Variants in ZDHHC23 observed in about 807,000 individuals in gnomAD.
The protein encoded by ZDHHC23 is zDHHC palmitoyltransferase 23.
In ZDHHC23, 41 loss-of-function variants were observed where a neutral mutation model predicts 40.2. The ratio of observed to expected loss-of-function variants is 1.02; its 90% CI spans 0.79 to 1.32. The LOEUF is 1.32. Among genes scored for constraint, ZDHHC23 ranks in the 40% most tolerant of loss-of-function variants. The pLI is 0.00. For synonymous variants in ZDHHC23, 204 were observed against 210.2 expected (o/e 0.97, Z 0.26); for missense variants, 471 against 541.5 (o/e 0.87, Z 1.29).
In ZDHHC23 at chr3:113,957,510, A is replaced by C. The variant is rs1435600422; in HGVS notation, c.1041-853A>C. The C allele has an allele frequency of 8.2e-6, 3 of 364,858 alleles. No homozygotes were observed. The Admixed American group carries it at 1.1e-4, about 13-fold the overall frequency. The allele number at this position is 364,858 out of a possible 1,614,324, so 22.6% of individuals were successfully genotyped here. On this transcript the variant is annotated intron_variant, in intron 4 of 4. Transcript: ENST00000638807. The stretch of plus-strand genomic sequence containing the variant: ...GGTGAGGCCCGTCCTGAAGCACAGC[A>C]TGTCTGTGCACTCTCGGTGCGGAGG...
At chr3:113,954,977 C>T (rs1194558124) in intron 3 of ZDHHC23, among the ~76,000 whole-genome samples, 1 of 152,062 alleles carries the variant, frequency 6.6e-6, no homozygotes, top group African/African-American at 2.4e-5. Context: ...CAGTAACAAA[C>T]GAAGGTACAT....
downstream of ZDHHC23, among the ~76,000 whole-genome samples, chr3:113,963,751 A>C (rs1372251038): frequency 6.6e-6 from 1 of 152,058 alleles, no homozygotes; most frequent in Non-Finnish European, 1.5e-5. Flanking sequence ...TCAAAACAAA[A>C]AAAACACAGA....
downstream of ZDHHC23, among the ~76,000 whole-genome samples, chr3:113,969,184 T>C (rs1195301282): frequency 1.3e-5 from 2 of 152,162 alleles, no homozygotes; most frequent in African/African-American, 4.8e-5. Context: ...CCCAAATACC[T>C]CCCATTAGAC....
chr3:113,959,187 A>G lies in ZDHHC23; in HGVS notation c.*557A>G. 1 of 1,067,930 alleles carries G rather than the reference A, an allele frequency of 9.4e-7. No individual in the cohort carries two copies. The highest frequency in any genetic ancestry group is 1.1e-6 in the Non-Finnish European group (1 of 876,632). 66.2% of individuals were successfully genotyped at this position (1,067,930 alleles called of 1,614,324 possible). On this transcript the variant is annotated 3_prime_UTR_variant, in exon 5 of 5. Transcript: ENST00000638807. ...TATTAGGAAAATATTATGATGGAAG[A>G]AAAACGTTTATAGTCTAGAATATTG...
Position 113,961,028 on chromosome 3 carries a change from A to G in ZDHHC23, c.*2398A>G. 2.8e-6 allele frequency: 1 copy of G among 354,028 alleles called. No homozygotes were observed. The highest frequency in any genetic ancestry group is 7.5e-4 in the Middle Eastern group (1 of 1,340). 21.9% of individuals were successfully genotyped at this position (354,028 alleles called of 1,614,324 possible). A position where few individuals can be genotyped will look rare whatever the true frequency, so the allele number is the denominator to read the frequency against. The stretch of plus-strand genomic sequence containing the variant: ...GATCTGGAACTATTTGAGGGGTTTC[A>G]TTATAGGCCTTGGTTCTCTCCAGGG... On this transcript the variant is annotated 3_prime_UTR_variant, in exon 5 of 5. Transcript: ENST00000638807.
At chr3:113,957,134 C>T (rs943794497) in intron 4 of ZDHHC23, among the ~76,000 whole-genome samples, 6 of 152,108 alleles carry the variant, frequency 3.9e-5, no homozygotes, top group African/African-American at 7.2e-5. Flanking sequence ...GGGATTCTTC[C>T]GCTTCGGCCT....
Position 113,959,341 on chromosome 3 carries a change from T to A in ZDHHC23, c.*711T>A, listed in dbSNP as rs1263596497. ...GACCAGATGGATTGATGCTAAGTTG[T>A]CTCATCTTGAAAAGACAGTTGACAA... On this transcript the variant is annotated 3_prime_UTR_variant, in exon 5 of 5. Transcript: ENST00000638807. The A allele has an allele frequency of 9.0e-7, 1 of 1,108,718 alleles. No individual in the cohort carries two copies. The highest frequency in any genetic ancestry group is 1.1e-6 in the Non-Finnish European group (1 of 889,876). The allele number at this position is 1,108,718 out of a possible 1,614,324, so 68.7% of individuals were successfully genotyped here.
chr3:113,968,953 A>C (rs1381418256), downstream of ZDHHC23, among the ~76,000 whole-genome samples: 1 of 152,168 alleles, frequency 6.6e-6, no homozygotes, highest in Admixed American at 6.5e-5. Flanking sequence ...GTATGGCACT[A>C]GCATCTGTTT....
At chr3:113,972,674 G>T in the ZDHHC23 span, among the ~76,000 whole-genome samples, 1 of 152,090 alleles carries the variant, frequency 6.6e-6, no homozygotes, top group Non-Finnish European at 1.5e-5. Context: ...GCGTGTTGAA[G>T]TCCCCTATGA....
In ZDHHC23 at chr3:113,959,796, T is replaced by G. The variant is rs1248310623; in HGVS notation, c.*1166T>G. 3.8e-6 allele frequency: 4 copies of G among 1,063,996 alleles called. No homozygotes were observed. The highest frequency in any genetic ancestry group is 3.5e-6 in the Non-Finnish European group (3 of 867,190). 65.9% of individuals were successfully genotyped at this position (1,063,996 alleles called of 1,614,324 possible). ...AATTACCCCTCCCTAAATAACAGTA[T>G]CTCACTAAGAGAGAAGAAACAGGGT... On this transcript the variant is annotated 3_prime_UTR_variant, in exon 5 of 5. Transcript: ENST00000638807.
Position 113,960,045 on chromosome 3 carries a change from A to G in ZDHHC23, c.*1415A>G, listed in dbSNP as rs1939578194. The G allele has an allele frequency of 1.0e-6, 1 of 989,540 alleles. No individual in the cohort carries two copies. Among genetic ancestry groups the G allele is most frequent in the African/African-American group, 1.7e-5 (1 of 57,398 alleles). The allele number at this position is 989,540 out of a possible 1,614,324, so 61.3% of individuals were successfully genotyped here. A position where few individuals can be genotyped will look rare whatever the true frequency, so the allele number is the denominator to read the frequency against. On this transcript the variant is annotated 3_prime_UTR_variant, in exon 5 of 5. Coordinates refer to ENST00000638807, the MANE Select transcript of ZDHHC23 (RefSeq NM_001320466.2). ...CATGTACTGTTGTGCAATCCCAAAG[A>G]TAATTCATGACTCCTTAAATTTGCC...
At chr3:113,948,620 G>C (rs573059253) in intron 1 of ZDHHC23, 66 bp from the exon 2 acceptor site, 2 of 634,526 alleles carry the variant, frequency 3.2e-6, no homozygotes, top group East Asian at 5.6e-5. Context: ...TGGCCAGGCG[G>C]AGCCACAGAA....
chr3:113,958,683 T>C lies in ZDHHC23; in HGVS notation c.*53T>C, dbSNP rs1939468028. On this transcript the variant is annotated 3_prime_UTR_variant, in exon 5 of 5. Coordinates refer to ENST00000638807, the MANE Select transcript of ZDHHC23 (RefSeq NM_001320466.2). ...ATGATGGCTCCTCCTTCCGTCTCCC[T>C]TCCATTTTACACTTCAGTGTCCATT... The C allele has an allele frequency of 6.3e-7, 1 of 1,593,766 alleles. No homozygotes were observed. The highest frequency in any genetic ancestry group is 8.5e-7 in the Non-Finnish European group (1 of 1,177,610).
chr3:113,978,819 A>G, the ZDHHC23 span: 1 of 1,586,688 alleles, frequency 6.3e-7, no homozygotes, highest in Non-Finnish European at 8.6e-7. Flanking sequence ...AGAATTGAGC[A>G]ATGAGATGTA....
At position 113,958,785 on chromosome 3, in the gene ZDHHC23, C is replaced by T. The variant is rs1939478161; in HGVS notation, c.*155C>T. 2 of 1,531,032 alleles carry T rather than the reference C, an allele frequency of 1.3e-6. No individual in the cohort carries two copies. Among genetic ancestry groups the T allele is most frequent in the South Asian group, 1.1e-5 (1 of 87,786 alleles). 94.8% of individuals were successfully genotyped at this position (1,531,032 alleles called of 1,614,324 possible). On this transcript the variant is annotated 3_prime_UTR_variant, in exon 5 of 5. Transcript: ENST00000638807. ...CTGGAGTGGGAAGAAGTTAATTTTT[C>T]TGACGCCACAACTTAAGAGACTTTT...
Position 113,959,579 on chromosome 3 carries a change from G to A in ZDHHC23, c.*949G>A. 1 of 1,229,386 alleles carries A rather than the reference G, an allele frequency of 8.1e-7. No individual in the cohort carries two copies. Among genetic ancestry groups the A allele is most frequent in the Non-Finnish European group, 1.1e-6 (1 of 944,308 alleles). The allele number at this position is 1,229,386 out of a possible 1,614,324, so 76.2% of individuals were successfully genotyped here. A position where few individuals can be genotyped will look rare whatever the true frequency, so the allele number is the denominator to read the frequency against. ...AAGAGGAGAACAGACACTCCTGTGG[G>A]GATGCTTTACTCTCTTTTCTGGTAG... On this transcript the variant is annotated 3_prime_UTR_variant, in exon 5 of 5. Coordinates refer to ENST00000638807, the MANE Select transcript of ZDHHC23 (RefSeq NM_001320466.2).
chr3:113,968,653 T>C (rs1211216672), downstream of ZDHHC23, among the ~76,000 whole-genome samples: 2 of 148,258 alleles, frequency 1.3e-5, no homozygotes, highest in Non-Finnish European at 3.0e-5. Context: ...AGAGATGGGG[T>C]TTTGCCATGT....
At chr3:113,963,948 T>TA (rs74731743), downstream of ZDHHC23, among the ~76,000 whole-genome samples, 2 of 151,060 alleles carry the variant, frequency 1.3e-5, no homozygotes, top group East Asian at 1.9e-4. Flanking sequence ...TTTTTTTTTT[T>TA]AAATGACAAC....
chr3:113,978,091 C>G, the ZDHHC23 span: 5 of 1,409,516 alleles, frequency 3.5e-6, no homozygotes, highest in Admixed American at 1.8e-5. Context: ...CTCCTAGCCT[C>G]CAGCTCATCT....
Sources: gnomAD v4.1 joint callset for allele counts (sites outside exome capture counted in the v4.1 genomes callset) on GRCh38, gnomAD v4.1.1 for gene constraint, MANE v1.5 for transcripts, NCBI Gene and HGNC (gene_info 2026-07-23, HGNC 2026-07-21) for gene names.